Variants in PCSK5 observed in about 807,000 individuals in gnomAD.
The protein encoded by PCSK5 is proprotein convertase subtilisin/kexin type 5.
A neutral mutation model predicts 233.2 loss-of-function variants in PCSK5; 129 were observed. The ratio of observed to expected loss-of-function variants is 0.55; its 90% CI spans 0.48 to 0.64. The LOEUF is 0.64. Among genes scored for constraint, PCSK5 ranks in the 30% least tolerant of loss-of-function variants. The probability of loss-of-function intolerance (pLI) is 0.00; values close to 1 mark genes in which losing one functional copy is unlikely to be tolerated. For synonymous variants in PCSK5, 825 were observed against 879.2 expected, an observed-to-expected ratio of 0.94 and a Z score of 1.09; for missense variants, 2,076 against 2,430.1, an observed-to-expected ratio of 0.85 and a Z score of 3.06.
intron 9 of PCSK5, among the ~76,000 whole-genome samples, chr9:76,124,818 A>G (rs1030167988): frequency 2.0e-5 from 3 of 150,932 alleles, no homozygotes; most frequent in Non-Finnish European, 2.9e-5. Context: ...GCTTTCTATG[A>G]TATCGATTCC....
chr9:75,906,412 A>G (rs888407490), intron 1 of PCSK5, among the ~76,000 whole-genome samples: 6 of 152,046 alleles, frequency 3.9e-5, no homozygotes, highest in Non-Finnish European at 8.8e-5. Flanking sequence ...TTTTTAGTAG[A>G]GATGGGGTTT....
At chr9:76,206,305 A>G (rs1211269138) in intron 20 of PCSK5, among the ~76,000 whole-genome samples, 9 of 152,218 alleles carry the variant, frequency 5.9e-5, no homozygotes, top group Admixed American at 3.3e-4. Context: ...CTTAGCATGT[A>G]ACTTTGGATA....
At chr9:76,256,966 GA>G in intron 24 of PCSK5, among the ~76,000 whole-genome samples, 1 of 152,208 alleles carries the variant, frequency 6.6e-6, no homozygotes, top group Non-Finnish European at 1.5e-5. Context: ...ATGAAAACTA[GA>G]AAGGTGCTCA....
intron 9 of PCSK5, among the ~76,000 whole-genome samples, chr9:76,123,177 A>G (rs1226737171): frequency 6.6e-6 from 1 of 152,092 alleles, no homozygotes; most frequent in South Asian, 2.1e-4. Flanking sequence ...TGATTCATCC[A>G]TTTTGATGCA....
At position 76,244,563 on chromosome 9, in the gene PCSK5, GT is replaced by G. The variant is rs3077122; in HGVS notation, c.3142+3897del. Among the ~76,000 whole-genome samples the G allele has an allele frequency of 8.6e-3, 577 of 66,740 alleles. 2 individuals are homozygous for G. The highest frequency in any genetic ancestry group is 0.024 in the East Asian group (61 of 2,592). 43.8% of individuals were successfully genotyped at this position (66,740 alleles called of 152,430 possible). A position where few individuals can be genotyped will look rare whatever the true frequency, so the allele number is the denominator to read the frequency against. On this transcript the variant is annotated intron_variant, in intron 24 of 37. Coordinates refer to ENST00000674117, the MANE Select transcript of PCSK5 (RefSeq NM_001372043.1). ...ATAATTAGCTGTTGAAAATCCTGGG[GT>G]TTTTTTTTTTTTTTTTTAGCTTTGT...
At chr9:75,912,859 A>T (rs989682090) in intron 1 of PCSK5, among the ~76,000 whole-genome samples, 2 of 152,114 alleles carry the variant, frequency 1.3e-5, no homozygotes, top group Non-Finnish European at 2.9e-5. Context: ...CTTTTTGTAA[A>T]TGACAAAGGG....
At position 76,239,121 on chromosome 9, in the gene PCSK5, T is replaced by C. The variant is rs755873025; in HGVS notation, c.3029T>C (p.Ile1010Thr). The change falls in exon 23 of 38, where the codon ATA becomes ACA. Residue 1010 changes from isoleucine (I) to threonine (T), a missense_variant. By Grantham distance (89) the Ile-to-Thr change is moderately conservative. Transcript: ENST00000674117. ...ACAAGATGCATGAAGGGCTACTTCA[T>C]AGCGCCCACCAACCACACATGCCAG... The part of the protein sequence containing the change: ...VCTRCMKGYF[I>T]APTNHTCQKL... 2 of 1,600,164 alleles carry C rather than the reference T, an allele frequency of 1.2e-6. No homozygotes were observed. Among genetic ancestry groups the C allele is most frequent in the Non-Finnish European group, 1.7e-6 (2 of 1,173,862 alleles).
chr9:76,121,839 T>TCTTGG (rs1369862857), intron 9 of PCSK5, among the ~76,000 whole-genome samples: 18 of 36,264 alleles, frequency 5.0e-4, no homozygotes, highest in East Asian at 6.5e-4. Context: ...TTTTTTTTTT[T>TCTTGG]TTGAGACGGA....
At chr9:76,249,870 G>T (rs1826745191) in intron 24 of PCSK5, among the ~76,000 whole-genome samples, 1 of 152,146 alleles carries the variant, frequency 6.6e-6, no homozygotes, top group Non-Finnish European at 1.5e-5. Context: ...AGATAGAATG[G>T]TATTAGATTA....
intron 24 of PCSK5, among the ~76,000 whole-genome samples, chr9:76,289,647 C>T (rs541921300): frequency 2.6e-5 from 4 of 152,058 alleles, no homozygotes; most frequent in Non-Finnish European, 4.4e-5. Context: ...GGATTGTTAC[C>T]TTCTTCCTTA....
intron 24 of PCSK5, among the ~76,000 whole-genome samples, chr9:76,283,635 ATC>A (rs1474860024): frequency 6.6e-6 from 1 of 152,170 alleles, no homozygotes; most frequent in Non-Finnish European, 1.5e-5. Context: ...AACCCATAAT[ATC>A]TCTGAGGCAT....
At chr9:75,891,565 C>A (rs1825605802) in intron 1 of PCSK5, among the ~76,000 whole-genome samples, 192 bp downstream of exon 1, 1 of 146,508 alleles carries the variant, frequency 6.8e-6, no homozygotes, top group Admixed American at 6.8e-5. Flanking sequence ...ACACACACAC[C>A]CCAGAGTTGC....
intron 3 of PCSK5, among the ~76,000 whole-genome samples, chr9:75,995,534 C>A (rs1445594795): frequency 5.3e-5 from 8 of 152,046 alleles, no homozygotes; most frequent in Admixed American, 5.2e-4. Context: ...GTGATTTTAT[C>A]TGGGAGTGCT....
At chr9:76,347,206 A>C (rs1462776967) in intron 35 of PCSK5, among the ~76,000 whole-genome samples, 1 of 151,826 alleles carries the variant, frequency 6.6e-6, no homozygotes, top group Non-Finnish European at 1.5e-5. Context: ...TTCTGTGTAG[A>C]CTGAGGCCCA....
At chr9:75,932,932 AC>A (rs928459591) in intron 2 of PCSK5, among the ~76,000 whole-genome samples, 1 of 152,124 alleles carries the variant, frequency 6.6e-6, no homozygotes, top group African/African-American at 2.4e-5. Flanking sequence ...GCACTGATAG[AC>A]CCACACCATT....
At chr9:76,176,042 G>T (rs1448089737) in intron 14 of PCSK5, among the ~76,000 whole-genome samples, 1 of 151,568 alleles carries the variant, frequency 6.6e-6, no homozygotes, top group Non-Finnish European at 1.5e-5. Context: ...ACTATTAGAG[G>T]CTGGGGTTTA....
intron 21 of PCSK5, among the ~76,000 whole-genome samples, chr9:76,228,243 T>A (rs1410274151): frequency 6.6e-6 from 1 of 152,088 alleles, no homozygotes; most frequent in Non-Finnish European, 1.5e-5. Context: ...TGCCCTCAGG[T>A]GATCTGCCCG....
At chr9:75,971,253 G>T (rs62555949) in intron 2 of PCSK5, among the ~76,000 whole-genome samples, 1 of 152,034 alleles carries the variant, frequency 6.6e-6, no homozygotes, top group Non-Finnish European at 1.5e-5. Flanking sequence ...TCCCTGCAAA[G>T]GACATGATTT....
upstream of PCSK5, among the ~76,000 whole-genome samples, chr9:75,890,481 G>A (rs1024656254): frequency 6.6e-6 from 1 of 152,206 alleles, no homozygotes; most frequent in Non-Finnish European, 1.5e-5. Flanking sequence ...CCTTTGGAAA[G>A]ACTTGCCTTT....
Sources: allele counts gnomAD v4.1 joint callset (sites outside exome capture counted in the v4.1 genomes callset), GRCh38; gene constraint gnomAD v4.1.1; transcripts MANE v1.5; gene names NCBI Gene and HGNC (gene_info 2026-07-23, HGNC 2026-07-21).